TIAM1: variants seen among roughly 807,000 people sequenced by gnomAD.
TIAM1 encodes TIAM Rac1 associated GEF 1, also known as rho guanine nucleotide exchange factor TIAM1.
TIAM1 carries 65 observed loss-of-function variants against 163.5 expected under a neutral mutation model. That is an observed-to-expected ratio of 0.40 (90% CI 0.33 to 0.49). The LOEUF (loss-of-function observed/expected upper bound fraction) is 0.49. TIAM1 is among the 20% of genes least tolerant of loss of function. TIAM1 has a pLI of 0.77. For synonymous variants in TIAM1, 833 were observed against 810.1 expected, an observed-to-expected ratio of 1.03 and a Z score of -0.48; for missense variants, 1,789 against 2,044.7, an observed-to-expected ratio of 0.87 and a Z score of 2.41.
chr21:31,433,231 A>C (rs1446734425), intron 2 of TIAM1, among the ~76,000 whole-genome samples: 1 of 152,156 alleles, frequency 6.6e-6, no homozygotes, highest in East Asian at 1.9e-4. Flanking sequence ...AAAAGTAAGA[A>C]AGACTTCACC....
upstream of TIAM1, among the ~76,000 whole-genome samples, chr21:31,346,227 T>C (rs1405523079): frequency 6.6e-6 from 1 of 152,090 alleles, no homozygotes; most frequent in Non-Finnish European, 1.5e-5. Flanking sequence ...ATTTAGAAGT[T>C]TCACTATCAC....
At chr21:31,440,341 A>AT (rs1336782898) in intron 2 of TIAM1, among the ~76,000 whole-genome samples, 5 of 152,144 alleles carry the variant, frequency 3.3e-5, no homozygotes, top group Non-Finnish European at 7.3e-5. Context: ...GCAGGTCCAA[A>AT]TATTTCTTCT....
At chr21:31,290,295 C>CA (rs200710912) in intron 2 of TIAM1, among the ~76,000 whole-genome samples, 59 of 149,964 alleles carry the variant, frequency 3.9e-4, no homozygotes, top group African/African-American at 1.2e-3. Flanking sequence ...TGGGACCTAC[C>CA]AAAAAAAAAT....
chr21:31,404,597 A>G (rs1296691186), intron 2 of TIAM1, among the ~76,000 whole-genome samples: 1 of 151,174 alleles, frequency 6.6e-6, no homozygotes, highest in African/African-American at 2.4e-5. Flanking sequence ...TGGAATTCCT[A>G]ACTCAAGTGG....
At chr21:31,469,109 G>A (rs1290436642) in intron 1 of TIAM1, among the ~76,000 whole-genome samples, 1 of 140,976 alleles carries the variant, frequency 7.1e-6, no homozygotes, top group Non-Finnish European at 1.5e-5. Flanking sequence ...TTGAGACAGG[G>A]TCTCATTCTG....
At chr21:31,187,295 G>A (rs573797297) in intron 13 of TIAM1, among the ~76,000 whole-genome samples, 2 of 152,260 alleles carry the variant, frequency 1.3e-5, no homozygotes, top group Admixed American at 1.3e-4. Flanking sequence ...TACTATGTAC[G>A]TCTATCTTCA....
rs2086831203 is a variant in TIAM1 at position 31,210,782 on chromosome 21, GAAAGAA to G, written c.2218-573_2218-568del. On this transcript the variant is annotated intron_variant, in intron 10 of 27. Transcript: ENST00000541036. ...AGAAAGAAAGAAAGAAAGAAAGAAA[GAAAGAA>G]AGAAAGAAAGAAAGAAAGAAAGAAA... Among the ~76,000 whole-genome samples, 36 of 141,332 alleles carry G rather than the reference GAAAGAA, an allele frequency of 2.5e-4. 1 individual carries two copies. Among genetic ancestry groups the G allele is most frequent in the Middle Eastern group, 3.4e-3 (1 of 292 alleles). The allele number at this position is 141,332 out of a possible 152,430, so 92.7% of individuals were successfully genotyped here.
intron 1 of TIAM1, among the ~76,000 whole-genome samples, chr21:31,478,556 G>A (rs2046008206): frequency 2.6e-5 from 4 of 152,096 alleles, no homozygotes. Context: ...GGAGTCCTCT[G>A]GAACATTTCA....
intron 2 of TIAM1, among the ~76,000 whole-genome samples, chr21:31,297,511 C>T (rs2074327293): frequency 2.6e-5 from 4 of 152,216 alleles, no homozygotes; most frequent in Non-Finnish European, 5.9e-5. Flanking sequence ...TCTCCCGCCT[C>T]AGCCTCCTGA....
At chr21:31,377,392 G>A (rs770020377) in intron 2 of TIAM1, among the ~76,000 whole-genome samples, 10 of 151,838 alleles carry the variant, frequency 6.6e-5, no homozygotes, top group Non-Finnish European at 1.3e-4. Context: ...GGTTCTGCTC[G>A]TCTGACTACT....
chr21:31,191,996 G>T (rs958001548), intron 13 of TIAM1, among the ~76,000 whole-genome samples: 2 of 152,148 alleles, frequency 1.3e-5, no homozygotes, highest in Admixed American at 1.3e-4. Flanking sequence ...AATTTTGGAG[G>T]ATCCAGGCAC....
intron 1 of TIAM1, among the ~76,000 whole-genome samples, chr21:31,465,440 A>C (rs905709474): frequency 6.6e-6 from 1 of 152,032 alleles, no homozygotes; most frequent in African/African-American, 2.4e-5. Context: ...CTTTCAAAGA[A>C]AGACAGAATT....
chr21:31,434,631 T>C (rs1400302229), intron 2 of TIAM1, among the ~76,000 whole-genome samples: 1 of 152,200 alleles, frequency 6.6e-6, no homozygotes, highest in Non-Finnish European at 1.5e-5. Context: ...CTTCCTCACT[T>C]CCTAACAGGC....
At chr21:31,232,854 G>A (rs1396089138) in intron 6 of TIAM1, among the ~76,000 whole-genome samples, 1 of 152,004 alleles carries the variant, frequency 6.6e-6, no homozygotes, top group Non-Finnish European at 1.5e-5. Flanking sequence ...CAGCAGACAG[G>A]TAAAGAGAGA....
rs781153297 is a variant in TIAM1 at position 31,181,756 on chromosome 21, CTTTTTTTTTTTTT to C, written c.2887+652_2887+664del. On this transcript the variant is annotated intron_variant, in intron 15 of 27. Transcript: ENST00000541036. ...CCCAGCACTTCTTCTTCTTCTTCTT[CTTTTTTTTTTTTT>C]TTTTTTTTTTTTTTTTTTTTTTTTT... is the stretch of plus-strand genomic sequence containing the variant. Among the ~76,000 whole-genome samples the C allele has an allele frequency of 8.0e-4, 33 of 41,332 alleles. 3 individuals are homozygous for C. The highest frequency in any genetic ancestry group is 1.7e-3 in the South Asian group (2 of 1,188). The allele number at this position is 41,332 out of a possible 152,430, so 27.1% of individuals were successfully genotyped here.
At chr21:31,155,527 C>T (rs907412949) in intron 16 of TIAM1, among the ~76,000 whole-genome samples, 5 of 151,148 alleles carry the variant, frequency 3.3e-5, no homozygotes, top group South Asian at 2.1e-4. Context: ...TTTTTTGAGA[C>T]GGAGTCTCGC....
intron 1 of TIAM1, among the ~76,000 whole-genome samples, chr21:31,556,598 G>T (rs1218814777): frequency 6.9e-6 from 1 of 145,116 alleles, no homozygotes; most frequent in African/African-American, 2.5e-5. Context: ...ATTATGGACT[G>T]TTATTATTTT....
intron 2 of TIAM1, among the ~76,000 whole-genome samples, chr21:31,290,952 G>A (rs764632662): frequency 1.3e-5 from 2 of 152,252 alleles, no homozygotes; most frequent in South Asian, 2.1e-4. Context: ...TAGCACTAGC[G>A]CTCACTAGGG....
intron 13 of TIAM1, among the ~76,000 whole-genome samples, chr21:31,187,674 G>C (rs1006118558): frequency 6.6e-6 from 1 of 151,860 alleles, no homozygotes; most frequent in Non-Finnish European, 1.5e-5. Context: ...TACTTCTCTG[G>C]GCTCCCAGAG....
Sources: allele counts gnomAD v4.1 joint callset (sites outside exome capture counted in the v4.1 genomes callset), GRCh38; gene constraint gnomAD v4.1.1; transcripts MANE v1.5; gene names NCBI Gene and HGNC (gene_info 2026-07-23, HGNC 2026-07-21).